The following GRK3 variants were observed in gnomAD, a reference collection of about 807,000 sequenced individuals.
The protein encoded by GRK3 is G protein-coupled receptor kinase 3.
In GRK3, 54 loss-of-function variants were observed where a neutral mutation model predicts 95.7. The observed-to-expected ratio is 0.56, with a 90% CI of 0.45 to 0.71. GRK3 has a LOEUF of 0.71. GRK3 is among the 30% of genes least tolerant of loss of function. The probability of loss-of-function intolerance (pLI) is 0.00; values close to 1 mark genes in which losing one functional copy is unlikely to be tolerated. For synonymous variants in GRK3, 281 were observed against 290.8 expected (o/e 0.97, Z 0.34); for missense variants, 649 against 851.2 (o/e 0.76, Z 2.96).
chr22:25,619,959 C>G (rs1415375824), intron 2 of GRK3, among the ~76,000 whole-genome samples: 1 of 151,592 alleles, frequency 6.6e-6, no homozygotes, highest in African/African-American at 2.4e-5. Context: ...TTTACTCTCT[C>G]CTGCTCCTCA....
At position 25,687,641 on chromosome 22, in the gene GRK3, C is replaced by A. The variant is rs145971750; in HGVS notation, c.931C>A (p.Arg311=). Residue 311 remains arginine, a synonymous_variant, in exon 11 of 21, where the codon CGG becomes AGG. Transcript: ENST00000324198. The part of the protein sequence containing the change: ...IILGLEHMHN[R]FVVYRDLKPA... ...TCTGGGTCTGGAACACATGCACAAT[C>A]GGTTTGTTGTCTACAGAGATTTGAA... 4.9e-4 allele frequency: 798 copies of A among 1,614,098 alleles called. 1 individual carries two copies. The African/African-American group carries it at 9.2e-3, about 19-fold the overall frequency.
intron 9 of GRK3, among the ~76,000 whole-genome samples, chr22:25,682,127 A>G (rs112173503): frequency 6.6e-6 from 1 of 152,200 alleles, no homozygotes; most frequent in Admixed American, 6.5e-5. Context: ...TAGTTAAAGC[A>G]TTTATTTGGT....
intron 19 of GRK3, among the ~76,000 whole-genome samples, chr22:25,720,232 G>A (rs1175432248): frequency 6.6e-6 from 1 of 152,074 alleles, no homozygotes; most frequent in Non-Finnish European, 1.5e-5. Context: ...TTTAACATTG[G>A]ATGCAATAAA....
intron 2 of GRK3, among the ~76,000 whole-genome samples, chr22:25,619,515 GCT>G (rs2146355507): frequency 6.6e-6 from 1 of 152,192 alleles, no homozygotes; most frequent in African/African-American, 2.4e-5. Flanking sequence ...AAAGGGTCTT[GCT>G]CTGTTGCCCA....
Position 25,718,359 on chromosome 22 carries a change from G to A in GRK3, c.1769G>A (p.Trp590Ter). Residue 590 changes from tryptophan (W) to a stop codon, truncating the protein, a stop_gained, in exon 19 of 21, where the codon TGG (tryptophan) becomes TAG (stop). Coordinates refer to ENST00000324198, the MANE Select transcript of GRK3 (RefSeq NM_005160.4). LOFTEE classifies it high-confidence loss of function. ...TACCTCTTTCCAAATAGACTTGAAT[G>A]GAGAGGAGAGGGAGAGTCCCGGGTA... ...YFYLFPNRLE[W>*]RGEGESRQNL... 6.2e-7 allele frequency: 1 copy of A among 1,613,950 alleles called. No homozygotes were observed. Among genetic ancestry groups the A allele is most frequent in the Non-Finnish European group, 8.5e-7 (1 of 1,179,890 alleles).
chr22:25,705,116 A>G (rs962232320), intron 15 of GRK3, among the ~76,000 whole-genome samples: 2 of 152,232 alleles, frequency 1.3e-5, no homozygotes, highest in African/African-American at 4.8e-5. Context: ...TAATGTACAT[A>G]TATATGAGTA....
chr22:25,606,698 C>T (rs558672031), intron 2 of GRK3, among the ~76,000 whole-genome samples: 20 of 152,242 alleles, frequency 1.3e-4, no homozygotes, highest in Admixed American at 7.2e-4. Flanking sequence ...CCAAGGTCCC[C>T]GACACACAGG....
intron 6 of GRK3, among the ~76,000 whole-genome samples, chr22:25,669,031 T>C (rs1418964521): frequency 2.0e-5 from 3 of 152,188 alleles, no homozygotes; most frequent in Non-Finnish European, 4.4e-5. Context: ...ATTACAATTT[T>C]CTGTAAATAA....
At chr22:25,688,361 A>G (rs1467147060) in intron 11 of GRK3, among the ~76,000 whole-genome samples, 1 of 152,160 alleles carries the variant, frequency 6.6e-6, no homozygotes, top group Admixed American at 6.5e-5. Flanking sequence ...AGGGCTGGAA[A>G]TGTACAATGA....
Position 25,728,758 on chromosome 22 carries a change from G to A in GRK3, c.*6308G>A, listed in dbSNP as rs1001117614. The A allele has an allele frequency of 6.6e-6, 1 of 152,124 alleles. No individual in the cohort carries two copies. Among genetic ancestry groups the A allele is most frequent in the Non-Finnish European group, 1.5e-5 (1 of 68,020 alleles). The allele number at this position is 152,124 out of a possible 1,614,324, so 9.4% of individuals were successfully genotyped here. On this transcript the variant is annotated 3_prime_UTR_variant, in exon 21 of 21. Coordinates refer to ENST00000324198, the MANE Select transcript of GRK3 (RefSeq NM_005160.4). ...AATGGTTTTGAAATGGGGTCTTAAA[G>A]GTAAGCGCCCTCATACATGACTGAA...
At chr22:25,703,632 C>G (rs1002989404) in intron 14 of GRK3, 56 bp downstream of exon 14, 2 of 1,215,212 alleles carry the variant, frequency 1.6e-6, no homozygotes, top group African/African-American at 1.5e-5. Context: ...TGCTTCATTC[C>G]GTCAATAATA....
At chr22:25,668,929 CT>C (rs1380683435) in intron 6 of GRK3, among the ~76,000 whole-genome samples, 1 of 152,190 alleles carries the variant, frequency 6.6e-6, no homozygotes, top group Non-Finnish European at 1.5e-5. Flanking sequence ...GTGATTTTCG[CT>C]CATTGAGACA....
At chr22:25,644,320 G>A (rs2084765081) in intron 2 of GRK3, among the ~76,000 whole-genome samples, 2 of 151,950 alleles carry the variant, frequency 1.3e-5, no homozygotes, top group Admixed American at 6.6e-5. Flanking sequence ...TGCCAGCCCT[G>A]TCGTATCATA....
In GRK3 at chr22:25,698,697, G is replaced by A. The variant is rs561113394; in HGVS notation, c.1160+3483G>A. ...GCCCCGAGGCTGAAAGCTTTTCAGC[G>A]GAGCAGTGGCAGGGTTGGGTGGCTT... On this transcript the variant is annotated intron_variant, in intron 13 of 20. Transcript: ENST00000324198. Among the ~76,000 whole-genome samples, 23 of 152,258 alleles carry A rather than the reference G, an allele frequency of 1.5e-4. No homozygotes were observed. The East Asian group carries it at 4.3e-3, about 28-fold the overall frequency.
At chr22:25,718,746 G>T (rs1313477791) in intron 19 of GRK3, among the ~76,000 whole-genome samples, 1 of 152,156 alleles carries the variant, frequency 6.6e-6, no homozygotes, top group Non-Finnish European at 1.5e-5. Flanking sequence ...CTTTGAACAC[G>T]TCACATTGAC....
At chr22:25,665,456 A>G (rs866003966) in intron 5 of GRK3, among the ~76,000 whole-genome samples, 2 of 152,222 alleles carry the variant, frequency 1.3e-5, no homozygotes, top group African/African-American at 4.8e-5. Flanking sequence ...AAATTGTTCC[A>G]GTTGAGATAC....
chr22:25,693,586 T>C (rs549674391), intron 12 of GRK3, among the ~76,000 whole-genome samples: 5 of 152,140 alleles, frequency 3.3e-5, no homozygotes, highest in Non-Finnish European at 5.9e-5. Flanking sequence ...TTCGGGCTGA[T>C]TGAGCTTTCC....
chr22:25,623,864 C>T (rs1218266044), intron 2 of GRK3, among the ~76,000 whole-genome samples: 1 of 152,234 alleles, frequency 6.6e-6, no homozygotes, highest in Non-Finnish European at 1.5e-5. Context: ...ACCTTCCTAA[C>T]TGGCTATCCT....
chr22:25,635,035 C>T (rs1429000651), intron 2 of GRK3, among the ~76,000 whole-genome samples: 3 of 152,276 alleles, frequency 2.0e-5, no homozygotes, highest in East Asian at 3.9e-4. Context: ...GTCCAACTTG[C>T]GGCCCGCGGG....
Sources: allele counts gnomAD v4.1 joint callset (sites outside exome capture counted in the v4.1 genomes callset), GRCh38; gene constraint gnomAD v4.1.1; transcripts MANE v1.5; gene names NCBI Gene and HGNC (gene_info 2026-07-23, HGNC 2026-07-21).